VEPH1: variants seen among roughly 807,000 people sequenced by gnomAD.
VEPH1 encodes the protein ventricular zone-expressed PH domain-containing protein homolog 1.
A neutral mutation model predicts 85.2 loss-of-function variants in VEPH1; 80 were observed. That is an observed-to-expected ratio of 0.94 (90% CI 0.78 to 1.13). The LOEUF (loss-of-function observed/expected upper bound fraction) is 1.13. VEPH1 is among the 50% of genes most tolerant of loss of function. The pLI, the probability that VEPH1 is intolerant of heterozygous loss-of-function variation, is 0.00. For missense variants in VEPH1, 955 were observed against 980.5 expected (o/e 0.97, Z 0.35); for synonymous variants, 297 against 348.0 (o/e 0.85, Z 1.63).
intron 6 of VEPH1, chr3:157,413,626 C>G (rs1403513869): frequency 1.2e-5 from 12 of 985,198 alleles, no homozygotes; most frequent in Non-Finnish European, 1.4e-5. Context: ...TCCACATAAC[C>G]CTGCTACTTG....
chr3:157,408,554 G>A (rs1022847974), intron 6 of VEPH1, among the ~76,000 whole-genome samples: 2 of 152,160 alleles, frequency 1.3e-5, no homozygotes, highest in Non-Finnish European at 2.9e-5. Flanking sequence ...TCCCCTGGAA[G>A]CTGAGAGGTA....
chr3:157,283,557 GT>G (rs1392897301), intron 12 of VEPH1, among the ~76,000 whole-genome samples: 1 of 152,214 alleles, frequency 6.6e-6, no homozygotes, highest in African/African-American at 2.4e-5. Flanking sequence ...TGATGGTGAA[GT>G]TGGTGGGAGG....
intron 6 of VEPH1, among the ~76,000 whole-genome samples, chr3:157,399,806 TA>T (rs1388932666): frequency 1.3e-5 from 2 of 152,116 alleles, no homozygotes; most frequent in African/African-American, 4.8e-5. Context: ...CTGCCTGAAA[TA>T]TTTTTTTTTG....
intron 1 of VEPH1, among the ~76,000 whole-genome samples, chr3:157,500,779 A>G (rs1740039352): frequency 6.6e-6 from 1 of 152,072 alleles, no homozygotes; most frequent in African/African-American, 2.4e-5. Context: ...CACTCTATGG[A>G]ACTCCAGTAA....
intron 4 of VEPH1, among the ~76,000 whole-genome samples, chr3:157,432,728 C>T (rs554855921): frequency 2.0e-5 from 3 of 152,302 alleles, no homozygotes; most frequent in East Asian, 1.9e-4. Context: ...CCTACTTCTT[C>T]AAGCTCTTCT....
chr3:157,315,766 C>T (rs1720680985), intron 10 of VEPH1: 2 of 150,456 alleles, frequency 1.3e-5, no homozygotes, highest in Non-Finnish European at 3.0e-5. Flanking sequence ...TAAAATAATA[C>T]TGAGGGGCAA....
intron 10 of VEPH1, chr3:157,316,167 T>C (rs1319619614): frequency 6.6e-6 from 1 of 152,092 alleles, no homozygotes; most frequent in East Asian, 1.9e-4. Context: ...CTTTATCTTA[T>C]AATGAAATAC....
At chr3:157,449,512 A>G (rs1217539253) in intron 4 of VEPH1, among the ~76,000 whole-genome samples, 1 of 152,058 alleles carries the variant, frequency 6.6e-6, no homozygotes. Flanking sequence ...TCTCTGTTCT[A>G]TTCATGGGTT....
chr3:157,496,556 G>A (rs1739680698), intron 1 of VEPH1, among the ~76,000 whole-genome samples: 1 of 152,202 alleles, frequency 6.6e-6, no homozygotes, highest in South Asian at 2.1e-4. Context: ...AGAGCCAAGA[G>A]TGAGTTATTT....
chr3:157,340,309 G>A (rs553926579), intron 9 of VEPH1, among the ~76,000 whole-genome samples: 114 of 152,312 alleles, frequency 7.5e-4, no homozygotes, highest in African/African-American at 2.4e-3. Flanking sequence ...CTGGAAAATC[G>A]GGTCATGCCC....
intron 2 of VEPH1, 111 bp from the exon 3 acceptor site, chr3:157,470,640 AG>A (rs1736850336): frequency 3.1e-6 from 3 of 976,002 alleles, no homozygotes; most frequent in African/African-American, 3.4e-5. Context: ...CTGTGTGCTA[AG>A]GGGTGAGGGT....
rs560665189 is a variant in VEPH1 at position 157,299,091 on chromosome 3, G to A, written c.2011-12417C>T. 6.8e-4 allele frequency among the ~76,000 whole-genome samples: 103 copies of A among 152,212 alleles called. No homozygotes were observed. The Middle Eastern group carries it at 0.014, about 20-fold the overall frequency. On this transcript the variant is annotated intron_variant, in intron 11 of 13. Coordinates refer to ENST00000362010, the MANE Select transcript of VEPH1 (RefSeq NM_001167912.2). ...CAAAACCTTTTTAGATGTGTCTTTTGGAGTTGTTTGTGGTGTATATTTGTG... is the reference window on the plus strand; with the variant it reads ...CAAAACCTTTTTAGATGTGTCTTTTAGAGTTGTTTGTGGTGTATATTTGTG...
At chr3:157,486,131 C>T (rs1268915423) in intron 2 of VEPH1, among the ~76,000 whole-genome samples, 1 of 151,922 alleles carries the variant, frequency 6.6e-6, no homozygotes, top group Non-Finnish European at 1.5e-5. Flanking sequence ...ATTTAATATC[C>T]AATAATATAG....
chr3:157,367,093 C>A (rs1270958197), intron 7 of VEPH1, among the ~76,000 whole-genome samples: 1 of 152,114 alleles, frequency 6.6e-6, no homozygotes, highest in Non-Finnish European at 1.5e-5. Flanking sequence ...GTTTAATAAG[C>A]GGTTGCTGAT....
At chr3:157,346,072 A>T (rs1724189952) in intron 9 of VEPH1, among the ~76,000 whole-genome samples, 1 of 152,126 alleles carries the variant, frequency 6.6e-6, no homozygotes, top group Admixed American at 6.5e-5. Flanking sequence ...AGATATACCT[A>T]ATGTAAATGA....
At chr3:157,480,421 C>T (rs1385784769) in intron 2 of VEPH1, among the ~76,000 whole-genome samples, 2 of 152,086 alleles carry the variant, frequency 1.3e-5, no homozygotes, top group Non-Finnish European at 2.9e-5. Flanking sequence ...GAGTATAGTA[C>T]ACAATAGGAA....
intron 7 of VEPH1, among the ~76,000 whole-genome samples, chr3:157,380,183 A>G: frequency 6.6e-6 from 1 of 151,968 alleles, no homozygotes; most frequent in Non-Finnish European, 1.5e-5. Context: ...CAGCTTCCTC[A>G]CCTCAATCGT....
intron 1 of VEPH1, chr3:157,499,398 C>T (rs1453613316): frequency 6.6e-6 from 1 of 152,088 alleles, no homozygotes; most frequent in East Asian, 1.9e-4. Flanking sequence ...ACTTTACCTG[C>T]GTGCTACTCC....
intron 11 of VEPH1, among the ~76,000 whole-genome samples, chr3:157,300,264 T>TTA (rs1216700046): frequency 6.6e-6 from 1 of 152,202 alleles, no homozygotes; most frequent in East Asian, 1.9e-4. Context: ...GAACAGACAT[T>TTA]GCAGAGGGAT....
Sources: gnomAD v4.1 joint callset for allele counts (sites outside exome capture counted in the v4.1 genomes callset) on GRCh38, gnomAD v4.1.1 for gene constraint, MANE v1.5 for transcripts, NCBI Gene and HGNC (gene_info 2026-07-23, HGNC 2026-07-21) for gene names.